The following LAMA2 variants were observed in gnomAD, a reference collection of about 807,000 sequenced individuals.
The protein encoded by LAMA2 is laminin subunit alpha-2.
LAMA2 carries 269 observed loss-of-function variants against 364.8 expected under a neutral mutation model. The ratio of observed to expected loss-of-function variants is 0.74; its 90% CI spans 0.67 to 0.82. The LOEUF is 0.82. Ranked by LOEUF, LAMA2 falls within the 40% of genes least tolerant of loss-of-function variation. The probability of loss-of-function intolerance (pLI) is 0.00; values close to 1 mark genes in which losing one functional copy is unlikely to be tolerated. For missense variants in LAMA2, 3,807 were observed against 3,873.2 expected, an observed-to-expected ratio of 0.98 and a Z score of 0.45; for synonymous variants, 1,379 against 1,370.6, an observed-to-expected ratio of 1.01 and a Z score of -0.14.
intron 41 of LAMA2, among the ~76,000 whole-genome samples, chr6:129,435,434 A>C (rs566017501): frequency 1.3e-5 from 2 of 152,318 alleles, no homozygotes; most frequent in South Asian, 4.1e-4. Flanking sequence ...TAGTATAAAC[A>C]GTAAAAATAA....
intron 2 of LAMA2, among the ~76,000 whole-genome samples, chr6:129,053,511 C>G (rs1788239135): frequency 6.7e-6 from 1 of 148,888 alleles, no homozygotes; most frequent in South Asian, 2.1e-4. Context: ...TATGTAAAAG[C>G]CAAGGGAGTT....
intron 47 of LAMA2, among the ~76,000 whole-genome samples, chr6:129,455,571 A>G (rs989173247): frequency 2.6e-5 from 4 of 152,208 alleles, no homozygotes; most frequent in Admixed American, 1.3e-4. Flanking sequence ...GAAATATGAC[A>G]TCGAAGTTTT....
rs1583169165 is a variant in LAMA2 at position 129,165,660 on chromosome 6, A to T, written c.1291A>T (p.Lys431Ter). ...SLNEVCVKDE[K>*]HARRGLAPGS... The stretch of plus-strand genomic sequence containing the variant: ...AAATGAAGTCTGTGTCAAGGATGAG[A>T]AACATGCTCGACGAGGTGAGAGCTG... Residue 431 changes from lysine to a stop codon, truncating the protein, a stop_gained, in exon 9 of 65, where the codon AAA becomes TAA. Coordinates refer to ENST00000421865, the MANE Select transcript of LAMA2 (RefSeq NM_000426.4). LOFTEE classifies it high-confidence loss of function. 1 of 1,608,930 alleles carries T rather than the reference A, an allele frequency of 6.2e-7. No individual in the cohort carries two copies. Among genetic ancestry groups the T allele is most frequent in the African/African-American group, 1.3e-5 (1 of 74,970 alleles).
chr6:129,237,959 A>G (rs1465961564), intron 12 of LAMA2, among the ~76,000 whole-genome samples: 1 of 148,790 alleles, frequency 6.7e-6, no homozygotes, highest in Non-Finnish European at 1.5e-5. Flanking sequence ...TGAGTTCGAG[A>G]CCTGCCTGGC....
chr6:129,351,152 C>T (rs1355776470), intron 31 of LAMA2, among the ~76,000 whole-genome samples: 2 of 151,784 alleles, frequency 1.3e-5, no homozygotes, highest in African/African-American at 2.4e-5. Context: ...CTAAAAGCAT[C>T]GCTGGACACC....
At chr6:129,440,742 G>A (rs113941526) in intron 42 of LAMA2, 74 bp from the exon 43 acceptor site, 12 of 1,321,952 alleles carry the variant, frequency 9.1e-6, no homozygotes, top group Non-Finnish European at 1.2e-5. Flanking sequence ...CCACAGCCTC[G>A]CTTTGTCAAG....
intron 4 of LAMA2, among the ~76,000 whole-genome samples, chr6:129,107,040 G>T: frequency 6.6e-6 from 1 of 151,970 alleles, no homozygotes; most frequent in African/African-American, 2.4e-5. Flanking sequence ...TGTGGAACAG[G>T]ATCCACTGAT....
At chr6:129,249,152 T>C (rs1413105720) in intron 12 of LAMA2, among the ~76,000 whole-genome samples, 1 of 152,204 alleles carries the variant, frequency 6.6e-6, no homozygotes, top group Admixed American at 6.5e-5. Context: ...CAGGAATTGC[T>C]GTCTGGTCAG....
chr6:129,383,066 T>G (rs1778785192), intron 34 of LAMA2, 56 bp from the exon 35 acceptor site: 1 of 1,410,918 alleles, frequency 7.1e-7, no homozygotes, highest in African/African-American at 1.4e-5. Flanking sequence ...GGAGCTTATC[T>G]AGCTGTAGCT....
At chr6:129,174,283 A>T (rs1437538114) in intron 9 of LAMA2, among the ~76,000 whole-genome samples, 1 of 152,070 alleles carries the variant, frequency 6.6e-6, no homozygotes, top group Non-Finnish European at 1.5e-5. Context: ...TTCATAAGGA[A>T]ATTTTCAAAC....
At chr6:129,457,806 C>T (rs1218648607) in intron 48 of LAMA2, among the ~76,000 whole-genome samples, 1 of 152,038 alleles carries the variant, frequency 6.6e-6, no homozygotes, top group Non-Finnish European at 1.5e-5. Flanking sequence ...AAGGTACTGG[C>T]AGATTTGGTG....
At chr6:128,928,685 C>T (rs778502164) in intron 1 of LAMA2, among the ~76,000 whole-genome samples, 1 of 152,140 alleles carries the variant, frequency 6.6e-6, no homozygotes, top group Non-Finnish European at 1.5e-5. Context: ...TGCAAAAGAA[C>T]GTCTTTCTGA....
intron 22 of LAMA2, among the ~76,000 whole-genome samples, chr6:129,306,822 T>C (rs997284707): frequency 6.6e-6 from 1 of 152,116 alleles, no homozygotes; most frequent in Non-Finnish European, 1.5e-5. Context: ...TGTATATCTT[T>C]TATTTCTCTA....
chr6:129,371,414 G>C lies in LAMA2; in HGVS notation c.4959+1424G>C, dbSNP rs147377505. Among the ~76,000 whole-genome samples the C allele has an allele frequency of 8.8e-3, 1,341 of 151,988 alleles. 21 individuals carry two copies. Among genetic ancestry groups the C allele is most frequent in the African/African-American group, 0.031 (1,289 of 41,450 alleles). ...AATAGAATAATTTCATCTGCTTAGG[G>C]GTAATTAGAAAAAATTTCATGTAAT... On this transcript the variant is annotated intron_variant, in intron 34 of 64. Coordinates refer to ENST00000421865, the MANE Select transcript of LAMA2 (RefSeq NM_000426.4).
chr6:128,952,634 A>G (rs748226545), intron 1 of LAMA2, among the ~76,000 whole-genome samples: 1 of 152,170 alleles, frequency 6.6e-6, no homozygotes, highest in Non-Finnish European at 1.5e-5. Context: ...CTTTTTGTAC[A>G]AGTAGAAGAG....
intron 32 of LAMA2, among the ~76,000 whole-genome samples, chr6:129,354,479 A>G (rs938543273): frequency 5.3e-5 from 8 of 152,134 alleles, no homozygotes; most frequent in Non-Finnish European, 1.2e-4. Context: ...ATTCTTCCCA[A>G]GTATAATGAT....
At chr6:129,177,590 TA>T (rs984935490) in intron 9 of LAMA2, 115 bp from the exon 10 acceptor site, 55 of 1,033,996 alleles carry the variant, frequency 5.3e-5, no homozygotes, top group Non-Finnish European at 6.9e-5. Flanking sequence ...TTGATATATA[TA>T]AAAAATCTAT....
chr6:129,353,121 A>C (rs780507715), intron 31 of LAMA2, 43 bp from the exon 32 acceptor site: 1 of 1,474,970 alleles, frequency 6.8e-7, no homozygotes, highest in African/African-American at 1.4e-5. Context: ...TGGAGACATG[A>C]CTTGCTATTA....
intron 59 of LAMA2, 143 bp downstream of exon 59, chr6:129,502,914 T>C: frequency 2.3e-6 from 2 of 871,004 alleles, no homozygotes; most frequent in Non-Finnish European, 3.7e-6. Context: ...AGAATAGAAT[T>C]TTATTTGTCT....
Sources: gnomAD v4.1 joint callset for allele counts (sites outside exome capture counted in the v4.1 genomes callset) on GRCh38, gnomAD v4.1.1 for gene constraint, MANE v1.5 for transcripts, NCBI Gene and HGNC (gene_info 2026-07-23, HGNC 2026-07-21) for gene names.